LGR4: variants seen among roughly 807,000 people sequenced by gnomAD.
LGR4 encodes the protein leucine-rich repeat-containing G protein-coupled receptor 4.
Under a neutral mutation model 84.8 loss-of-function variants are expected in LGR4, and 44 were observed. The ratio of observed to expected loss-of-function variants is 0.52; its 90% CI spans 0.41 to 0.67. The LOEUF (loss-of-function observed/expected upper bound fraction) is 0.67, where lower values mean the gene tolerates loss of function less well. LGR4 is among the 30% of genes least tolerant of loss of function. The pLI is 0.00. For synonymous variants in LGR4, 429 were observed against 434.3 expected (o/e 0.99, Z 0.15); for missense variants, 1,032 against 1,131.4 (o/e 0.91, Z 1.26).
rs1414757826 is a variant in LGR4 at position 27,380,943 on chromosome 11, G to T, written c.782C>A (p.Ser261Tyr). ...ATCAAATGCTCCATCAGGGATAACA[G>T]AAATAGAATTACTATGAAATCCTCT... Reference protein sequence around the residue: ...KELGFHSNSISVIPDGAFDGN... With the variant: ...KELGFHSNSIYVIPDGAFDGN... Residue 261 changes from serine (S) to tyrosine (Y), a missense_variant, in exon 8 of 18, where the codon TCT (serine) becomes TAT (tyrosine). Ser to Tyr is a moderately radical substitution (Grantham distance 144). Coordinates refer to ENST00000379214, the MANE Select transcript of LGR4 (RefSeq NM_018490.5). The T allele has an allele frequency of 6.5e-7, 1 of 1,544,632 alleles. No homozygotes were observed. Among genetic ancestry groups the T allele is most frequent in the South Asian group, 1.1e-5 (1 of 89,510 alleles).
In LGR4 at chr11:27,385,438, G is replaced by T. The variant is rs762397528; in HGVS notation, c.432C>A (p.Val144=). 1.4e-5 allele frequency: 23 copies of T among 1,608,962 alleles called. No individual in the cohort carries two copies. The African/African-American group carries it at 2.7e-4, about 19-fold the overall frequency. Residue 144 remains valine, a synonymous_variant, in exon 5 of 18, where the codon GTC becomes GTA. Coordinates refer to ENST00000379214, the MANE Select transcript of LGR4 (RefSeq NM_018490.5). ...LRLDANHITS[V]PEDSFEGLVQ... Reference sequence around the variant, plus strand: ...CAAGTCCTTCAAAACTGTCCTCGGGGACTGAGGTAATATGGTTGGCATCTA... The same window carrying T: ...CAAGTCCTTCAAAACTGTCCTCGGGTACTGAGGTAATATGGTTGGCATCTA...
chr11:27,457,940 A>G (rs1288960178), intron 1 of LGR4, among the ~76,000 whole-genome samples: 1 of 152,044 alleles, frequency 6.6e-6, no homozygotes, highest in Admixed American at 6.5e-5. Context: ...TAGCCTGGGA[A>G]ACACAGCAAG....
chr11:27,371,284 A>G (rs1268974574), intron 17 of LGR4, among the ~76,000 whole-genome samples: 1 of 152,230 alleles, frequency 6.6e-6, no homozygotes, highest in Non-Finnish European at 1.5e-5. Context: ...CATTAAGCAC[A>G]CACATACAAT....
In LGR4 at chr11:27,458,365, T is replaced by C. The variant is rs183914036; in HGVS notation, c.185+13753A>G. 1.7e-4 allele frequency among the ~76,000 whole-genome samples: 26 copies of C among 152,168 alleles called. No individual in the cohort carries two copies. In the East Asian group the frequency reaches 4.8e-3, roughly 28 times the overall value. ...GAGAGGAGATAACTACAGAGAGGCA[T>C]GGAAATTCATCAAGTGAAGAAATGC... On this transcript the variant is annotated intron_variant, in intron 1 of 17. Coordinates refer to ENST00000379214, the MANE Select transcript of LGR4 (RefSeq NM_018490.5).
At chr11:27,441,460 C>T (rs543240701) in intron 1 of LGR4, among the ~76,000 whole-genome samples, 4 of 151,758 alleles carry the variant, frequency 2.6e-5, no homozygotes, top group Admixed American at 2.6e-4. Flanking sequence ...TTCATCATTA[C>T]ATAAAAAATC....
rs766725576 is a variant in LGR4, at chr11:27,372,304, G to A, written c.1474C>T (p.His492Tyr). The A allele has an allele frequency of 1.3e-5, 21 of 1,610,606 alleles. No homozygotes were observed. Among genetic ancestry groups the A allele is most frequent in the Non-Finnish European group, 1.7e-5 (20 of 1,176,930 alleles). ...TTGCCTTTCTCCTGTGCCACACTGTGGTCCTGGAGGCTGTTATCTTCTGTG... is the reference window on the plus strand; with the variant it reads ...TTGCCTTTCTCCTGTGCCACACTGTAGTCCTGGAGGCTGTTATCTTCTGTG... ...LNTEDNSLQDHSVAQEKGTAD... is the reference protein window; with the variant it reads ...LNTEDNSLQDYSVAQEKGTAD... The change falls in exon 16 of 18, where the codon CAC (histidine) becomes TAC (tyrosine). Residue 492 changes from histidine to tyrosine, a missense_variant. Transcript: ENST00000379214.
chr11:27,433,912 A>T (rs1279708447), intron 1 of LGR4, among the ~76,000 whole-genome samples: 2 of 152,202 alleles, frequency 1.3e-5, no homozygotes, highest in African/African-American at 4.8e-5. Flanking sequence ...CTCTTCTGTG[A>T]TGTGAGGTCG....
At chr11:27,469,739 A>G (rs1267705472) in intron 1 of LGR4, among the ~76,000 whole-genome samples, 1 of 152,224 alleles carries the variant, frequency 6.6e-6, no homozygotes, top group Non-Finnish European at 1.5e-5. Flanking sequence ...CCAGCAATTA[A>G]GAATAGGTGA....
intron 14 of LGR4, 80 bp downstream of exon 14, chr11:27,373,895 T>C: frequency 8.8e-7 from 1 of 1,134,448 alleles, no homozygotes; most frequent in Non-Finnish European, 1.3e-6. Flanking sequence ...AAAAATATTT[T>C]GATTCGACAA....
chr11:27,430,040 G>A (rs755448225), intron 1 of LGR4, among the ~76,000 whole-genome samples: 1 of 152,052 alleles, frequency 6.6e-6, no homozygotes, highest in Non-Finnish European at 1.5e-5. Context: ...TGAGTACTTG[G>A]CATCTATTCC....
intron 15 of LGR4, 84 bp downstream of exon 15, chr11:27,373,467 G>A: frequency 7.5e-7 from 1 of 1,330,296 alleles, no homozygotes; most frequent in East Asian, 2.4e-5. Flanking sequence ...GAAAATCTGA[G>A]AACCAGAGCA....
At chr11:27,380,143 T>C (rs1474749592) in intron 10 of LGR4, 128 bp downstream of exon 10, 2 of 562,984 alleles carry the variant, frequency 3.6e-6, no homozygotes, top group Non-Finnish European at 6.4e-6. Context: ...TCTCCATGCA[T>C]GATATATACA....
intron 1 of LGR4, among the ~76,000 whole-genome samples, chr11:27,467,219 G>A (rs1216092241): frequency 6.6e-6 from 1 of 152,058 alleles, no homozygotes; most frequent in Non-Finnish European, 1.5e-5. Flanking sequence ...AGATTCTACA[G>A]TTTAGACACC....
intron 1 of LGR4, among the ~76,000 whole-genome samples, chr11:27,471,068 A>T (rs1003220800): frequency 1.6e-4 from 24 of 152,122 alleles, no homozygotes; most frequent in African/African-American, 5.6e-4. Context: ...TTAAGCATTC[A>T]GCTGGCCACG....
chr11:27,443,944 T>C (rs1864344318), intron 1 of LGR4, among the ~76,000 whole-genome samples: 1 of 152,216 alleles, frequency 6.6e-6, no homozygotes, highest in Admixed American at 6.5e-5. Context: ...GTCAGCTAGC[T>C]GAGCCAATGG....
At chr11:27,460,617 C>T (rs927631394) in intron 1 of LGR4, among the ~76,000 whole-genome samples, 2 of 152,172 alleles carry the variant, frequency 1.3e-5, no homozygotes, top group African/African-American at 4.8e-5. Context: ...TGTAATGAGG[C>T]TCTGGAAAAC....
Position 27,368,269 on chromosome 11 carries a change from A to ACGT in LGR4, c.2451_2453dup (p.Arg818dup). 6.2e-7 allele frequency: 1 copy of ACGT among 1,614,244 alleles called. No individual in the cohort carries two copies. The highest frequency in any genetic ancestry group is 1.1e-5 in the South Asian group (1 of 91,090). ...AAACTGATCCACTTTTCTTGGTAAC[A>ACGT]CGTCGCTTCAGTAACTTCCAGTCTT... is the stretch of plus-strand genomic sequence containing the variant. On this transcript the variant is annotated inframe_insertion, in exon 18 of 18. Transcript: ENST00000379214.
intron 11 of LGR4, 47 bp downstream of exon 11, chr11:27,378,650 T>C (rs1863033776): frequency 8.0e-7 from 1 of 1,257,550 alleles, no homozygotes; most frequent in Non-Finnish European, 1.2e-6. Context: ...CATGTGTGAA[T>C]ATATAAACAA....
chr11:27,375,380 T>C (rs537875248), intron 13 of LGR4, among the ~76,000 whole-genome samples: 11 of 152,074 alleles, frequency 7.2e-5, no homozygotes, highest in African/African-American at 2.7e-4. Flanking sequence ...TCTAGGAAGA[T>C]AGTGAGTGGC....
Sources: allele counts gnomAD v4.1 joint callset (sites outside exome capture counted in the v4.1 genomes callset), GRCh38; gene constraint gnomAD v4.1.1; transcripts MANE v1.5; gene names NCBI Gene and HGNC (gene_info 2026-07-23, HGNC 2026-07-21).